The following PLPP4 variants were observed in gnomAD, a reference collection of about 807,000 sequenced individuals.
PLPP4 encodes diacylglycerol pyrophosphate like 2.
In PLPP4, 20 loss-of-function variants were observed where a neutral mutation model predicts 32.2. The observed-to-expected ratio is 0.62, with a 90% CI of 0.44 to 0.90. The LOEUF (loss-of-function observed/expected upper bound fraction) is 0.90, where lower values mean the gene tolerates loss of function less well. Ranked by LOEUF, PLPP4 falls within the 40% of genes least tolerant of loss-of-function variation. The pLI, the probability that PLPP4 is intolerant of heterozygous loss-of-function variation, is 0.00. For synonymous variants in PLPP4, 127 were observed against 133.0 expected (o/e 0.95, Z 0.31); for missense variants, 257 against 353.1 (o/e 0.73, Z 2.18).
chr10:120,536,064 G>C (rs1280164176), intron 5 of PLPP4, among the ~76,000 whole-genome samples: 1 of 152,088 alleles, frequency 6.6e-6, no homozygotes, highest in Non-Finnish European at 1.5e-5. Flanking sequence ...TAAATGGAAA[G>C]ATAGTTCATG....
At chr10:120,579,694 G>A (rs1447686276) in intron 6 of PLPP4, among the ~76,000 whole-genome samples, 1 of 152,012 alleles carries the variant, frequency 6.6e-6, no homozygotes, top group Non-Finnish European at 1.5e-5. Flanking sequence ...CCTTCCTTTT[G>A]TTACTGATAA....
At chr10:120,534,613 C>A (rs894789709) in intron 5 of PLPP4, among the ~76,000 whole-genome samples, 1 of 151,996 alleles carries the variant, frequency 6.6e-6, no homozygotes, top group Non-Finnish European at 1.5e-5. Context: ...TCCTATATTT[C>A]TGTAAGACTG....
At chr10:120,583,643 T>C (rs1198739752) in intron 6 of PLPP4, among the ~76,000 whole-genome samples, 1 of 152,210 alleles carries the variant, frequency 6.6e-6, no homozygotes, top group Non-Finnish European at 1.5e-5. Flanking sequence ...CTACTTTTTA[T>C]CTCTATGGGT....
chr10:120,457,060 C>T (rs934211398), upstream of PLPP4: 2 of 192,596 alleles, frequency 1.0e-5, no homozygotes, highest in African/African-American at 2.4e-5. Context: ...CGGCTCCGCA[C>T]TAGGAGGCGG....
chr10:120,501,005 G>A (rs923601186), intron 1 of PLPP4, among the ~76,000 whole-genome samples: 5 of 152,070 alleles, frequency 3.3e-5, no homozygotes, highest in African/African-American at 1.2e-4. Flanking sequence ...AGGTAAGAGG[G>A]GAGAGACTGT....
intron 5 of PLPP4, among the ~76,000 whole-genome samples, chr10:120,534,906 T>C (rs2148478): frequency 0.87 from 132,294 of 152,164 alleles, 57,822 homozygotes; most frequent in East Asian, 1. Flanking sequence ...AGAATTATAA[T>C]GGCTACTTTG....
In PLPP4 at chr10:120,590,879, G is replaced by C. The variant is rs12569404; in HGVS notation, c.*1377G>C. Among the ~76,000 whole-genome samples the C allele has an allele frequency of 0.056, 8,399 of 149,780 alleles. 328 individuals are homozygous for C. Among genetic ancestry groups the C allele is most frequent in the South Asian group, 0.1 (497 of 4,736 alleles). The stretch of plus-strand genomic sequence containing the variant: ...TTGCCTCTGGGTTCAAGCTATTCTC[G>C]TGCCTCAGCCTCCCAAGTAGCTAGG... On this transcript the variant is annotated 3_prime_UTR_variant, in exon 7 of 7. Transcript: ENST00000398250.
At chr10:120,517,322 G>A (rs1228809949) in intron 3 of PLPP4, among the ~76,000 whole-genome samples, 1 of 152,156 alleles carries the variant, frequency 6.6e-6, no homozygotes, top group African/African-American at 2.4e-5. Flanking sequence ...TAATTATCAG[G>A]GTTTGTGGAG....
At chr10:120,552,165 G>GTGTGT (rs1847932096) in intron 5 of PLPP4, among the ~76,000 whole-genome samples, 2 of 138,634 alleles carry the variant, frequency 1.4e-5, no homozygotes, top group African/African-American at 5.4e-5. Context: ...GTGGTGGTGG[G>GTGTGT]GTGTGTGTGT....
chr10:120,488,122 G>A (rs981132794), intron 1 of PLPP4, among the ~76,000 whole-genome samples: 1 of 152,194 alleles, frequency 6.6e-6, no homozygotes, highest in African/African-American at 2.4e-5. Context: ...CTGGATGGAG[G>A]GAAGAGGAGC....
chr10:120,568,418 C>A (rs1230981613), intron 5 of PLPP4, among the ~76,000 whole-genome samples: 1 of 152,194 alleles, frequency 6.6e-6, no homozygotes, highest in African/African-American at 2.4e-5. Context: ...GAGAGCAAGG[C>A]AGTAACAATC....
intron 1 of PLPP4, among the ~76,000 whole-genome samples, chr10:120,467,086 G>GT (rs112181832): frequency 0.01 from 1,542 of 148,198 alleles, 21 homozygotes; most frequent in African/African-American, 0.025. Flanking sequence ...GTGTAGGTTT[G>GT]TTTTTTTTTT....
intron 1 of PLPP4, among the ~76,000 whole-genome samples, chr10:120,494,590 G>A (rs553111569): frequency 6.6e-6 from 1 of 152,222 alleles, no homozygotes; most frequent in East Asian, 1.9e-4. Context: ...ATCCCCAAGA[G>A]GGGGTGGTAA....
At chr10:120,547,551 C>T (rs578186183) in intron 5 of PLPP4, among the ~76,000 whole-genome samples, 7 of 152,278 alleles carry the variant, frequency 4.6e-5, no homozygotes, top group African/African-American at 9.6e-5. Flanking sequence ...TGTTGCTTTC[C>T]GTTGTTTCCA....
chr10:120,579,030 T>G (rs1849356076), intron 6 of PLPP4, among the ~76,000 whole-genome samples: 1 of 152,232 alleles, frequency 6.6e-6, no homozygotes, highest in Admixed American at 6.5e-5. Context: ...CCTGCCTCTA[T>G]TCACGCTCTT....
In PLPP4 at chr10:120,500,968, TC is replaced by T. The variant is rs1409460441; in HGVS notation, c.57-2844del. ...ACTAGTCATCTCCAGTATCACTGAT[TC>T]CCCCCACCCCCAGAATAGGAAGTTG... On this transcript the variant is annotated intron_variant, in intron 1 of 6. Transcript: ENST00000398250. Among the ~76,000 whole-genome samples the T allele has an allele frequency of 2.0e-5, 3 of 151,926 alleles. No homozygotes were observed. In the South Asian group the frequency reaches 6.2e-4, roughly 32 times the overall value.
rs183670949 is a variant in PLPP4, at chr10:120,559,613, A to G, written c.446-15518A>G. ...GTTTGAACTGTGAGGGTGCACTTAT[A>G]TGTGGATTTTTTTTTTCAATGAATA... is the stretch of plus-strand genomic sequence containing the variant. On this transcript the variant is annotated intron_variant, in intron 5 of 6. Transcript: ENST00000398250. Among the ~76,000 whole-genome samples the G allele has an allele frequency of 5.6e-3, 849 of 150,956 alleles. 13 individuals are homozygous for G. Among genetic ancestry groups the G allele is most frequent in the African/African-American group, 0.02 (800 of 40,884 alleles).
At chr10:120,493,389 T>C (rs1352209270) in intron 1 of PLPP4, among the ~76,000 whole-genome samples, 1 of 152,158 alleles carries the variant, frequency 6.6e-6, no homozygotes, top group South Asian at 2.1e-4. Flanking sequence ...CCTGTCTCCT[T>C]GTGTTGAGGG....
rs1846363536 is a variant in PLPP4, at chr10:120,525,846, T to C, written c.445+4751T>C. ...TTCTTTCTTTCTTTGGAACCTTTTA[T>C]GGTCCTTTCTCTGTGTCTCACCATC... On this transcript the variant is annotated intron_variant, in intron 5 of 6. Transcript: ENST00000398250. Among the ~76,000 whole-genome samples the C allele has an allele frequency of 1.3e-5, 2 of 152,246 alleles. 1 individual carries two copies. The highest frequency in any genetic ancestry group is 4.8e-5 in the African/African-American group (2 of 41,462).
Sources: allele counts gnomAD v4.1 joint callset (sites outside exome capture counted in the v4.1 genomes callset), GRCh38; gene constraint gnomAD v4.1.1; transcripts MANE v1.5; gene names NCBI Gene and HGNC (gene_info 2026-07-23, HGNC 2026-07-21).